Variants in LINGO1 observed in about 807,000 individuals in gnomAD.
LINGO1 encodes leucine rich repeat and Ig domain containing 1.
In LINGO1, 11 loss-of-function variants were observed where a neutral mutation model predicts 37.3. The observed-to-expected ratio is 0.29, with a 90% CI of 0.19 to 0.49. The LOEUF (loss-of-function observed/expected upper bound fraction) is 0.49, where lower values mean the gene tolerates loss of function less well. Among genes scored for constraint, LINGO1 ranks in the 20% least tolerant of loss-of-function variants. The pLI is 0.99. For missense variants in LINGO1, 585 were observed against 878.2 expected, an observed-to-expected ratio of 0.67 and a Z score of 4.22; for synonymous variants, 387 against 403.0, an observed-to-expected ratio of 0.96 and a Z score of 0.48.
chr15:77,650,334 A>G (rs1052741031), intron 3 of LINGO1, among the ~76,000 whole-genome samples: 2 of 152,224 alleles, frequency 1.3e-5, no homozygotes, highest in African/African-American at 4.8e-5. Context: ...AAATATACAT[A>G]TTATGTGTCG....
upstream of LINGO1, among the ~76,000 whole-genome samples, chr15:77,698,967 T>C (rs148087419): frequency 1.2e-3 from 187 of 152,222 alleles, no homozygotes; most frequent in South Asian, 0.012. Context: ...CTGTGCTCAA[T>C]AGGAGGCTAC....
intron 2 of LINGO1, among the ~76,000 whole-genome samples, chr15:77,682,709 C>T (rs1294572795): frequency 6.6e-6 from 1 of 152,092 alleles, no homozygotes; most frequent in African/African-American, 2.4e-5. Context: ...GTCTCAGCTG[C>T]TTCCTATCCT....
At chr15:77,767,285 C>T (rs2076539855) in intron 1 of LINGO1, among the ~76,000 whole-genome samples, 1 of 152,194 alleles carries the variant, frequency 6.6e-6, no homozygotes, top group Non-Finnish European at 1.5e-5. Context: ...TAAGCAATGA[C>T]TTTAGAGAGA....
intron 1 of LINGO1, among the ~76,000 whole-genome samples, chr15:77,811,845 G>A (rs892910502): frequency 6.6e-6 from 1 of 152,078 alleles, no homozygotes; most frequent in African/African-American, 2.4e-5. Context: ...CAAAATGTGG[G>A]AAAATGTCAA....
At chr15:77,659,041 G>A (rs966705883) in intron 3 of LINGO1, among the ~76,000 whole-genome samples, 2 of 152,210 alleles carry the variant, frequency 1.3e-5, no homozygotes, top group Admixed American at 1.3e-4. Context: ...TAAGGTTGGA[G>A]CCCTGGGGGC....
chr15:77,770,939 G>C (rs1490636903), intron 1 of LINGO1, among the ~76,000 whole-genome samples: 1 of 152,200 alleles, frequency 6.6e-6, no homozygotes, highest in African/African-American at 2.4e-5. Flanking sequence ...ACATCTTCAG[G>C]ACCCTGAGTA....
chr15:77,804,652 G>T (rs2076945308), intron 1 of LINGO1, among the ~76,000 whole-genome samples: 1 of 152,124 alleles, frequency 6.6e-6, no homozygotes, highest in Non-Finnish European at 1.5e-5. Context: ...GGTGTGGCTG[G>T]CCTGACCCCG....
At chr15:77,654,823 G>A (rs894461453) in intron 3 of LINGO1, among the ~76,000 whole-genome samples, 2 of 152,162 alleles carry the variant, frequency 1.3e-5, no homozygotes, top group African/African-American at 4.8e-5. Context: ...GTTATTGTAA[G>A]AACGAAATGA....
chr15:77,709,635 C>A (rs769628855), intron 2 of LINGO1, among the ~76,000 whole-genome samples: 25 of 152,246 alleles, frequency 1.6e-4, no homozygotes, highest in Non-Finnish European at 1.3e-4. Context: ...CTGTTCCAGA[C>A]TGAAAGTGGC....
chr15:77,775,221 C>A (rs1015303640), intron 1 of LINGO1, among the ~76,000 whole-genome samples: 3 of 152,174 alleles, frequency 2.0e-5, no homozygotes, highest in African/African-American at 7.2e-5. Context: ...TTGATGATAG[C>A]AAGGTCACCT....
At chr15:77,643,303 C>G (rs1449711767) in intron 3 of LINGO1, among the ~76,000 whole-genome samples, 1 of 152,172 alleles carries the variant, frequency 6.6e-6, no homozygotes, top group Non-Finnish European at 1.5e-5. Context: ...GGGCTGTCCA[C>G]AGGATCAGGG....
chr15:77,723,027 G>A (rs1725357842), intron 2 of LINGO1, among the ~76,000 whole-genome samples: 1 of 152,204 alleles, frequency 6.6e-6, no homozygotes, highest in African/African-American at 2.4e-5. Flanking sequence ...CAGCACACTT[G>A]CAGGCTCCGT....
chr15:77,681,407 G>A (rs538688744), intron 2 of LINGO1, among the ~76,000 whole-genome samples: 23 of 152,186 alleles, frequency 1.5e-4, no homozygotes, highest in African/African-American at 5.1e-4. Flanking sequence ...TGGCTGGGCT[G>A]GGGTCAGCTC....
chr15:77,671,969 C>T (rs1267482337), intron 3 of LINGO1, among the ~76,000 whole-genome samples: 1 of 151,790 alleles, frequency 6.6e-6, no homozygotes, highest in African/African-American at 2.4e-5. Context: ...ATTTCCTGAC[C>T]TTCCTAAGAC....
At chr15:77,753,033 C>T (rs1476245923) in intron 1 of LINGO1, among the ~76,000 whole-genome samples, 1 of 152,246 alleles carries the variant, frequency 6.6e-6, no homozygotes, top group East Asian at 1.9e-4. Context: ...ACAGACACCA[C>T]AAAATCAAGC....
At chr15:77,790,044 T>C (rs2076806251), upstream of LINGO1, among the ~76,000 whole-genome samples, 1 of 152,146 alleles carries the variant, frequency 6.6e-6, no homozygotes, top group Non-Finnish European at 1.5e-5. Flanking sequence ...AGTGCTAGGA[T>C]TACAGGCATG....
At chr15:77,712,872 T>C (rs1372682293) in intron 2 of LINGO1, among the ~76,000 whole-genome samples, 1 of 152,048 alleles carries the variant, frequency 6.6e-6, no homozygotes, top group Non-Finnish European at 1.5e-5. Context: ...CCACCCCTCA[T>C]CCTCAGGAAT....
intron 1 of LINGO1, among the ~76,000 whole-genome samples, chr15:77,619,838 T>C (rs2073864181): frequency 6.6e-6 from 1 of 152,270 alleles, no homozygotes; most frequent in Non-Finnish European, 1.5e-5. Flanking sequence ...CCATGGGCCA[T>C]GCTCCGTGGG....
At chr15:77,779,950 G>A (rs2076699110) in intron 1 of LINGO1, among the ~76,000 whole-genome samples, 1 of 152,184 alleles carries the variant, frequency 6.6e-6, no homozygotes, top group African/African-American at 2.4e-5. Flanking sequence ...CACCGCCCCT[G>A]ATAAGGACCA....
Sources: allele counts gnomAD v4.1 joint callset (sites outside exome capture counted in the v4.1 genomes callset), GRCh38; gene constraint gnomAD v4.1.1; transcripts MANE v1.5; gene names NCBI Gene and HGNC (gene_info 2026-07-23, HGNC 2026-07-21).